The following GRIK2 variants were observed in gnomAD, a reference collection of about 807,000 sequenced individuals.
GRIK2 encodes glutamate ionotropic receptor kainate type subunit 2.
A neutral mutation model predicts 100.3 loss-of-function variants in GRIK2; 32 were observed. The ratio of observed to expected loss-of-function variants is 0.32; its 90% CI spans 0.24 to 0.43. The LOEUF is 0.43. Among genes scored for constraint, GRIK2 ranks in the 20% least tolerant of loss-of-function variants. The probability of loss-of-function intolerance (pLI) is 1.00; values close to 1 mark genes in which losing one functional copy is unlikely to be tolerated. For missense variants in GRIK2, 843 were observed against 1,114.9 expected, an observed-to-expected ratio of 0.76 and a Z score of 3.47; for synonymous variants, 417 against 389.4, an observed-to-expected ratio of 1.07 and a Z score of -0.83.
At chr6:101,833,113 C>G (rs1467327972) in intron 10 of GRIK2, among the ~76,000 whole-genome samples, 1 of 152,028 alleles carries the variant, frequency 6.6e-6, no homozygotes, top group African/African-American at 2.4e-5. Flanking sequence ...TATCTTGAGT[C>G]AATTTATGGA....
intron 2 of GRIK2, among the ~76,000 whole-genome samples, chr6:101,558,456 G>A (rs188921803): frequency 1.2e-4 from 19 of 152,214 alleles, no homozygotes; most frequent in African/African-American, 3.9e-4. Flanking sequence ...AAGAATTAGC[G>A]GAGAGTGAGA....
chr6:101,726,347 G>A (rs867942283), intron 7 of GRIK2, among the ~76,000 whole-genome samples: 2 of 151,938 alleles, frequency 1.3e-5, no homozygotes. Context: ...CTAATGAAAG[G>A]TACTAAAATG....
intron 2 of GRIK2, among the ~76,000 whole-genome samples, chr6:101,446,212 G>A (rs1192548988): frequency 6.6e-6 from 1 of 151,820 alleles, no homozygotes; most frequent in Non-Finnish European, 1.5e-5. Flanking sequence ...TCTGTATCTA[G>A]TTAGGCAGAA....
chr6:101,420,761 T>C (rs1380262035), intron 2 of GRIK2, among the ~76,000 whole-genome samples: 1 of 152,188 alleles, frequency 6.6e-6, no homozygotes, highest in Non-Finnish European at 1.5e-5. Context: ...CTCAGAGAGC[T>C]TACTCTTTAC....
chr6:101,963,598 C>T (rs1223047), intron 14 of GRIK2, among the ~76,000 whole-genome samples: 42,587 of 146,304 alleles, frequency 0.29, 6,674 homozygotes, highest in Non-Finnish European at 0.35. Flanking sequence ...GTGATCCACC[C>T]GCCTCGCCCT....
intron 7 of GRIK2, among the ~76,000 whole-genome samples, chr6:101,774,892 T>C (rs965528381): frequency 6.6e-6 from 1 of 152,108 alleles, no homozygotes; most frequent in African/African-American, 2.4e-5. Context: ...AGAGAAAATA[T>C]GTATGGTAAG....
intron 14 of GRIK2, among the ~76,000 whole-genome samples, chr6:101,949,118 C>T (rs1262598416): frequency 6.6e-6 from 1 of 152,020 alleles, no homozygotes; most frequent in East Asian, 1.9e-4. Flanking sequence ...TATGTTCTAT[C>T]TTGTCTCATC....
intron 15 of GRIK2, among the ~76,000 whole-genome samples, chr6:102,045,793 C>A (rs1319827453): frequency 2.0e-5 from 3 of 151,864 alleles, no homozygotes; most frequent in African/African-American, 2.4e-5. Context: ...AAAAGAAATG[C>A]AAATTAAAAT....
chr6:101,695,412 G>T, intron 7 of GRIK2, among the ~76,000 whole-genome samples: 1 of 152,056 alleles, frequency 6.6e-6, no homozygotes, highest in Non-Finnish European at 1.5e-5. Flanking sequence ...TTTTATTGGG[G>T]ATTAAGTTTC....
intron 2 of GRIK2, among the ~76,000 whole-genome samples, chr6:101,558,735 A>C (rs1776859775): frequency 7.0e-6 from 1 of 142,094 alleles, no homozygotes; most frequent in Admixed American, 7.1e-5. Context: ...TTCTTCTTTC[A>C]TGTGAAGTCA....
At chr6:101,594,789 G>T (rs2128307871) in intron 2 of GRIK2, among the ~76,000 whole-genome samples, 1 of 151,864 alleles carries the variant, frequency 6.6e-6, no homozygotes. Context: ...TATGTTTAAA[G>T]AAATATTTGT....
chr6:101,987,418 T>C (rs1426454766), intron 14 of GRIK2, among the ~76,000 whole-genome samples: 4 of 151,750 alleles, frequency 2.6e-5, no homozygotes, highest in African/African-American at 9.7e-5. Context: ...CATGTTTTAT[T>C]TGCAAGCATA....
rs888121614 is a variant in GRIK2 at position 101,397,866 on chromosome 6, A to G, written c.-293-1119A>G. ...TTTTGTGATGTTTAATCTTTTAAAA[A>G]TGTTGACAATATATATTTATTATAC... On this transcript the variant is annotated intron_variant, in intron 1 of 16. Coordinates refer to ENST00000369134, the MANE Select transcript of GRIK2 (RefSeq NM_021956.5). Among the ~76,000 whole-genome samples, 5 of 152,110 alleles carry G rather than the reference A, an allele frequency of 3.3e-5. No individual in the cohort carries two copies. The South Asian group carries it at 1.0e-3, about 32-fold the overall frequency.
rs1467055633 is a variant in GRIK2 at position 101,586,124 on chromosome 6, C to A, written c.116-35825C>A. Among the ~76,000 whole-genome samples the A allele has an allele frequency of 2.6e-5, 4 of 152,002 alleles. No homozygotes were observed. In the East Asian group the frequency reaches 7.8e-4, roughly 30 times the overall value. ...GGGCGCCTACACCTAGCCATGTGTGCTTCTATTCTCACCCAGGAATAAGAA... is the reference window on the plus strand; with the variant it reads ...GGGCGCCTACACCTAGCCATGTGTGATTCTATTCTCACCCAGGAATAAGAA... On this transcript the variant is annotated intron_variant, in intron 2 of 16. Transcript: ENST00000369134.
At chr6:101,762,928 T>C (rs995152623) in intron 7 of GRIK2, among the ~76,000 whole-genome samples, 3 of 152,172 alleles carry the variant, frequency 2.0e-5, no homozygotes, top group Non-Finnish European at 4.4e-5. Flanking sequence ...TCTTTGTGAC[T>C]GAATCATCAG....
intron 2 of GRIK2, among the ~76,000 whole-genome samples, chr6:101,512,666 ATTAACT>A (rs1774378792): frequency 6.6e-6 from 1 of 150,810 alleles, no homozygotes; most frequent in Non-Finnish European, 1.5e-5. Flanking sequence ...TCTTCATAGT[ATTAACT>A]TTTTTTCAAT....
intron 14 of GRIK2, among the ~76,000 whole-genome samples, chr6:101,948,464 CAT>C (rs1791409258): frequency 2.0e-5 from 3 of 147,074 alleles, no homozygotes; most frequent in Non-Finnish European, 3.0e-5. Flanking sequence ...TATATACACA[CAT>C]ATATAGTTAT....
At chr6:102,065,701 A>C (rs896463086) in intron 16 of GRIK2, 3 of 696,234 alleles carry the variant, frequency 4.3e-6, no homozygotes, top group Non-Finnish European at 7.0e-6. Context: ...AAACGATTCA[A>C]TGTTACACGT....
At chr6:101,514,502 G>A (rs1774482944) in intron 2 of GRIK2, among the ~76,000 whole-genome samples, 1 of 152,100 alleles carries the variant, frequency 6.6e-6, no homozygotes, top group Non-Finnish European at 1.5e-5. Flanking sequence ...CTCATTTAAT[G>A]TTAAACTTAT....
Sources: allele counts gnomAD v4.1 joint callset (sites outside exome capture counted in the v4.1 genomes callset), GRCh38; gene constraint gnomAD v4.1.1; transcripts MANE v1.5; gene names NCBI Gene and HGNC (gene_info 2026-07-23, HGNC 2026-07-21).